The following EIF4B variants were observed in gnomAD, a reference collection of about 807,000 sequenced individuals.
EIF4B encodes eukaryotic translation initiation factor 4B.
Under a neutral mutation model 79.3 loss-of-function variants are expected in EIF4B, and 8 were observed. That is an observed-to-expected ratio of 0.10 (90% confidence interval 0.06 to 0.18). The LOEUF is 0.18. EIF4B is among the 10% of genes least tolerant of loss of function. EIF4B has a pLI of 1.00. For synonymous variants in EIF4B, 238 were observed against 274.7 expected (o/e 0.87, Z 1.32); for missense variants, 515 against 792.4 (o/e 0.65, Z 4.20).
intron 10 of EIF4B, among the ~76,000 whole-genome samples, chr12:53,036,843 A>C (rs1252557038): frequency 6.6e-6 from 1 of 152,146 alleles, no homozygotes; most frequent in Non-Finnish European, 1.5e-5. Flanking sequence ...CACATGCCAC[A>C]TCCAGCTAAT....
At chr12:53,025,885 ATCATGAGG>A (rs1943325467) in intron 6 of EIF4B, among the ~76,000 whole-genome samples, 1 of 152,128 alleles carries the variant, frequency 6.6e-6, no homozygotes, top group Non-Finnish European at 1.5e-5. Context: ...AGGCGGGCGG[ATCATGAGG>A]TCAGGAGATT....
chr12:53,032,891 G>A (rs1218029357), intron 8 of EIF4B, among the ~76,000 whole-genome samples: 4 of 151,932 alleles, frequency 2.6e-5, no homozygotes, highest in African/African-American at 4.8e-5. Context: ...GGCTGGTCTC[G>A]AACTCCTGAT....
At chr12:53,006,953 G>C (rs371511252) in intron 1 of EIF4B, among the ~76,000 whole-genome samples, 7 of 150,436 alleles carry the variant, frequency 4.7e-5, no homozygotes, top group Non-Finnish European at 8.9e-5. Flanking sequence ...TAAGTGTGGT[G>C]GGGGGGAGCA....
chr12:53,031,424 G>A (rs764427476), intron 8 of EIF4B, among the ~76,000 whole-genome samples: 33 of 152,112 alleles, frequency 2.2e-4, no homozygotes, highest in African/African-American at 1.2e-4. Flanking sequence ...CTAGAGGTGC[G>A]TGCCATATGC....
intron 6 of EIF4B, among the ~76,000 whole-genome samples, chr12:53,025,523 A>G (rs551909664): frequency 5.3e-5 from 8 of 152,218 alleles, no homozygotes; most frequent in Non-Finnish European, 8.8e-5. Flanking sequence ...GCTTTTCTCC[A>G]GCATGGATCT....
At chr12:53,030,413 CTTTTTTTTTTTTTTTTTT>C (rs759061266) in intron 8 of EIF4B, among the ~76,000 whole-genome samples, 1 of 43,066 alleles carries the variant, frequency 2.3e-5, no homozygotes, top group South Asian at 9.0e-4. Flanking sequence ...AAATTATATT[CTTTTTTTTTTTTTTTTTT>C]TTTTTTTGAG....
chr12:53,013,219 A>G (rs1156558115), intron 1 of EIF4B, among the ~76,000 whole-genome samples: 1 of 152,200 alleles, frequency 6.6e-6, no homozygotes, highest in Non-Finnish European at 1.5e-5. Context: ...TACCTTATTC[A>G]GATTGTTAAT....
intron 1 of EIF4B, chr12:53,011,982 T>C (rs1943072335): frequency 6.6e-6 from 1 of 152,246 alleles, no homozygotes; most frequent in Non-Finnish European, 1.5e-5. Flanking sequence ...AACAGTGCTT[T>C]ACTTATAAAG....
At chr12:53,039,553 G>A in intron 13 of EIF4B, 77 bp from the exon 14 acceptor site, 1 of 1,545,220 alleles carries the variant, frequency 6.5e-7, no homozygotes, top group Non-Finnish European at 8.8e-7. Context: ...TCAGTGCCTT[G>A]AAACTGCATG....
At chr12:53,030,070 AAG>A (rs1275131895) in intron 8 of EIF4B, among the ~76,000 whole-genome samples, 1 of 73,782 alleles carries the variant, frequency 1.4e-5, no homozygotes, top group Non-Finnish European at 3.6e-5. Context: ...AAAAATACAA[AAG>A]TTAGCTGAGC....
In EIF4B at chr12:53,022,510, T is replaced by C; in HGVS notation, c.550T>C (p.Phe184Leu). 6.2e-7 allele frequency: 1 copy of C among 1,613,200 alleles called. No individual in the cohort carries two copies. Among genetic ancestry groups the C allele is most frequent in the Non-Finnish European group, 8.5e-7 (1 of 1,179,852 alleles). ...AQDKDRDDRS[F>L]GRDRNRDSDK... ...ATCTGTAGACAGGGATGATCGTTCTTTTGGCCGTGATAGAAATCGGGATTC... is the reference window on the plus strand; with the variant it reads ...ATCTGTAGACAGGGATGATCGTTCTCTTGGCCGTGATAGAAATCGGGATTC... Residue 184 changes from phenylalanine to leucine, a missense_variant, in exon 6 of 15, where the codon TTT becomes CTT. Around this residue, in one of 6 missense-constraint regions of EIF4B, gnomAD observed 187 missense variants for 256.5 expected, o/e 0.73. Coordinates refer to ENST00000262056, the MANE Select transcript of EIF4B (RefSeq NM_001417.7).
chr12:53,021,598 C>G, intron 4 of EIF4B: 1 of 656,492 alleles, frequency 1.5e-6, no homozygotes, highest in Non-Finnish European at 2.8e-6. Context: ...TATAATTGAC[C>G]TAATATTCAA....
intron 8 of EIF4B, among the ~76,000 whole-genome samples, chr12:53,031,866 C>T (rs1244651860): frequency 6.6e-6 from 1 of 152,118 alleles, no homozygotes; most frequent in Non-Finnish European, 1.5e-5. Flanking sequence ...GGAGGTTTTA[C>T]CTCTTTGTTA....
chr12:53,023,072 G>A (rs1943274126), intron 6 of EIF4B, among the ~76,000 whole-genome samples: 1 of 152,054 alleles, frequency 6.6e-6, no homozygotes, highest in South Asian at 2.1e-4. Context: ...TGAGGCAAGA[G>A]GACTCCTTGA....
chr12:53,039,351 T>C lies in EIF4B; in HGVS notation c.1682+8T>C. 6.4e-7 allele frequency: 1 copy of C among 1,571,536 alleles called. No individual in the cohort carries two copies. Among genetic ancestry groups the C allele is most frequent in the South Asian group, 1.2e-5 (1 of 86,464 alleles). On this transcript the variant is annotated splice_region_variant and intron_variant, in intron 13 of 14. Coordinates refer to ENST00000262056, the MANE Select transcript of EIF4B (RefSeq NM_001417.7). The stretch of plus-strand genomic sequence containing the variant: ...CTGGAAGGAGTCAGATAGGTATGCT[T>C]GTTCTCTTTCTCATCTTTCCTCTGA...
At chr12:53,012,157 C>T (rs1285375455) in intron 1 of EIF4B, 1 of 152,166 alleles carries the variant, frequency 6.6e-6, no homozygotes, top group Non-Finnish European at 1.5e-5. Flanking sequence ...TTTCCAAGGG[C>T]TAATTCCTTT....
intron 8 of EIF4B, among the ~76,000 whole-genome samples, chr12:53,029,724 A>G (rs182403745): frequency 5.3e-5 from 8 of 152,210 alleles, no homozygotes; most frequent in East Asian, 1.9e-4. Flanking sequence ...CTTTGTGGCA[A>G]TGGCTTTATA....
intron 6 of EIF4B, among the ~76,000 whole-genome samples, chr12:53,023,578 A>ATTTTT (rs1210893432): frequency 1.5e-4 from 16 of 109,212 alleles, no homozygotes; most frequent in East Asian, 8.6e-4. Context: ...AAAATGTAAA[A>ATTTTT]TTTTTTTTTT....
chr12:53,013,448 A>AC (rs1167507482), intron 1 of EIF4B: 10 of 152,202 alleles, frequency 6.6e-5, no homozygotes, highest in Admixed American at 6.5e-4. Flanking sequence ...TAAGTGGTTT[A>AC]CCTCATGTCT....
Sources: gnomAD v4.1 joint callset for allele counts (sites outside exome capture counted in the v4.1 genomes callset) on GRCh38, gnomAD v4.1.1 for gene constraint, gnomAD v4.1.1 regional missense constraint, MANE v1.5 for transcripts, NCBI Gene and HGNC (gene_info 2026-07-23, HGNC 2026-07-21) for gene names.